The following PASK variants were observed in gnomAD, a reference collection of about 807,000 sequenced individuals.
The protein encoded by PASK is PAS domain containing serine/threonine kinase.
A neutral mutation model predicts 121.0 loss-of-function variants in PASK; 110 were observed. That is an observed-to-expected ratio of 0.91 (90% CI 0.78 to 1.06). The LOEUF (loss-of-function observed/expected upper bound fraction) is 1.06. Among genes scored for constraint, PASK ranks in the 50% least tolerant of loss-of-function variants. PASK has a pLI of 0.00. For missense variants in PASK, 1,643 were observed against 1,702.3 expected, an observed-to-expected ratio of 0.97 and a Z score of 0.61; for synonymous variants, 686 against 717.8, an observed-to-expected ratio of 0.96 and a Z score of 0.71.
rs2066617738 is a variant in PASK at position 241,139,822 on chromosome 2, C to G, written c.600+63G>C. 3 of 1,485,682 alleles carry G rather than the reference C, an allele frequency of 2.0e-6. No individual in the cohort carries two copies. The East Asian group carries it at 6.8e-5, about 34-fold the overall frequency. The allele number at this position is 1,485,682 out of a possible 1,614,324, so 92.0% of individuals were successfully genotyped here. On this transcript the variant is annotated intron_variant, in intron 4 of 17. Transcript: ENST00000234040. ...AGAGCTCCTGGTAGGGAACACTGAG[C>G]TGTTCCTGCCACACACTGCTGGTCT...
chr2:241,136,167 G>C, intron 7 of PASK, 128 bp from the exon 8 acceptor site: 3 of 827,424 alleles, frequency 3.6e-6, no homozygotes, highest in South Asian at 1.4e-5. Flanking sequence ...GGTCAGGAAA[G>C]GCCTCGGGCC....
rs996395598 is a variant in PASK at position 241,108,924 on chromosome 2, C to T, written c.3534-624G>A. Reference sequence around the variant, plus strand: ...CTTCAGGGAGAAGACACCCAAAGGACTATTGTTACTTCCTGTCGCCGTAAA... The same window carrying T: ...CTTCAGGGAGAAGACACCCAAAGGATTATTGTTACTTCCTGTCGCCGTAAA... On this transcript the variant is annotated intron_variant, in intron 15 of 17. Transcript: ENST00000234040. The surrounding 1 kb of genome is among the most constrained non-coding windows in gnomAD (Gnocchi z 5.2). The T allele has an allele frequency of 1.2e-5, 2 of 164,492 alleles. No homozygotes were observed. Among genetic ancestry groups the T allele is most frequent in the Non-Finnish European group, 2.7e-5 (2 of 74,816 alleles). 10.2% of individuals were successfully genotyped at this position (164,492 alleles called of 1,614,324 possible).
intron 17 of PASK, among the ~76,000 whole-genome samples, chr2:241,107,144 C>A (rs1253057445): frequency 6.6e-6 from 1 of 152,192 alleles, no homozygotes; most frequent in Non-Finnish European, 1.5e-5. Flanking sequence ...CAAAGCCACA[C>A]CCTGAACCCC....
chr2:241,118,434 TG>T (rs1206190281), intron 12 of PASK, among the ~76,000 whole-genome samples: 1 of 152,120 alleles, frequency 6.6e-6, no homozygotes, highest in Non-Finnish European at 1.5e-5. Flanking sequence ...AACCACTCAA[TG>T]GGGAGAGGAC....
At chr2:241,114,173 CACAGGA>C in intron 14 of PASK, 1 of 983,362 alleles carries the variant, frequency 1.0e-6, no homozygotes, top group Non-Finnish European at 1.2e-6. Context: ...CACCTTCCAA[CACAGGA>C]AGAGGGAGAG....
chr2:241,124,176 T>A (rs748227931), intron 10 of PASK, 43 bp from the exon 11 acceptor site: 1 of 1,532,028 alleles, frequency 6.5e-7, no homozygotes, highest in Non-Finnish European at 9.0e-7. Flanking sequence ...TGTGCTGACC[T>A]GGCTAGACAG....
Position 241,139,968 on chromosome 2 carries a change from T to C in PASK, c.517A>G (p.Arg173Gly). 1.2e-6 allele frequency: 2 copies of C among 1,614,030 alleles called. No homozygotes were observed. The highest frequency in any genetic ancestry group is 1.3e-5 in the African/African-American group (1 of 75,034). Residue 173 changes from arginine (R) to glycine (G), a missense_variant, in exon 4 of 18, where the codon AGG becomes GGG. Physicochemically the swap from Arg to Gly is moderately radical, Grantham distance 125. Coordinates refer to ENST00000234040, the MANE Select transcript of PASK (RefSeq NM_015148.4). ...GCCTCCACCACATCAGAATCTGACC[T>C]CAGAAAGAACTGCGTGAGCTTCTGG... ...IGQKLTQFFL[R>G]SDSDVVEALS...
At position 241,126,739 on chromosome 2, in the gene PASK, G is replaced by C. The variant is rs1575284017; in HGVS notation, c.2176C>G (p.Leu726Val). Reference protein sequence around the residue: ...YALATDLPGGLEAVEAQEVDV... With the variant: ...YALATDLPGGVEAVEAQEVDV... ...ACCTCCTGGGCCTCCACTGCTTCCA[G>C]GCCCCCAGGGAGGTCCGTGGCCAAG... The change falls in exon 10 of 18, where the codon CTG (leucine) becomes GTG (valine). Residue 726 changes from leucine to valine, a missense_variant. This residue lies in a region of PASK where 1,176 missense variants were observed against 1,162.2 expected (regional missense o/e 1.01). Transcript: ENST00000234040. 1 of 1,614,122 alleles carries C rather than the reference G, an allele frequency of 6.2e-7. No homozygotes were observed. The highest frequency in any genetic ancestry group is 8.5e-7 in the Non-Finnish European group (1 of 1,180,046).
chr2:241,140,392 A>C, intron 3 of PASK, 129 bp downstream of exon 3: 1 of 770,162 alleles, frequency 1.3e-6, no homozygotes, highest in Non-Finnish European at 2.3e-6. Context: ...TCCTGGGCTC[A>C]AGCAAACTTC....
intron 8 of PASK, among the ~76,000 whole-genome samples, chr2:241,135,118 G>T (rs2066345866): frequency 6.6e-6 from 1 of 152,242 alleles, no homozygotes; most frequent in African/African-American, 2.4e-5. Context: ...ACAGGAGGCA[G>T]TGTGCTCACC....
In PASK at chr2:241,138,099, G is replaced by GCCC; in HGVS notation, c.742-15_742-13dup. 6.2e-7 allele frequency: 1 copy of GCCC among 1,613,756 alleles called. No individual in the cohort carries two copies. Among genetic ancestry groups the GCCC allele is most frequent in the Non-Finnish European group, 8.5e-7 (1 of 1,179,802 alleles). On this transcript the variant is annotated splice_polypyrimidine_tract_variant and intron_variant, in intron 5 of 17. Transcript: ENST00000234040. ...GACGTGACGGTGCCCTGGAGGAAAA[G>GCCC]CCCCGTGCTTATCATAAAAGCTTCT...
chr2:241,113,748 G>A lies in PASK; in HGVS notation c.3333+1295C>T, dbSNP rs140951545. On this transcript the variant is annotated intron_variant, in intron 14 of 17. Transcript: ENST00000234040. ...CTTCCTGCAGATGCTTCTGTGCCCT[G>A]GACTGGCCATGCTGCCCTGGAGCGG... 2.8e-3 allele frequency: 2,763 copies of A among 985,468 alleles called. 3 individuals carry two copies. Among genetic ancestry groups the A allele is most frequent in the Middle Eastern group, 0.021 (41 of 1,912 alleles). 61.0% of individuals were successfully genotyped at this position (985,468 alleles called of 1,614,324 possible).
At chr2:241,144,901 G>C (rs192624817) in intron 1 of PASK, among the ~76,000 whole-genome samples, 2 of 152,292 alleles carry the variant, frequency 1.3e-5, no homozygotes, top group Admixed American at 1.3e-4. Context: ...CCATCACAGA[G>C]CTTCTCCCTG....
chr2:241,133,130 G>T, intron 8 of PASK, 100 bp from the exon 9 acceptor site: 1 of 1,166,824 alleles, frequency 8.6e-7, no homozygotes, highest in Non-Finnish European at 1.3e-6. Flanking sequence ...TTCACAGCAT[G>T]ACCAGCATCG....
At chr2:241,115,789 ACCCGGTCCCCAAGCAT>A (rs1394042752) in intron 12 of PASK, among the ~76,000 whole-genome samples, 2 of 101,510 alleles carry the variant, frequency 2.0e-5, no homozygotes, top group Admixed American at 2.0e-4. Context: ...CGCCAGGGCC[ACCCGGTCCCCAAGCAT>A]CCCGTTACAC....
intron 9 of PASK, 140 bp downstream of exon 9, chr2:241,132,734 G>C (rs1029024750): frequency 1.3e-6 from 1 of 745,338 alleles, no homozygotes; most frequent in Admixed American, 2.0e-5. Flanking sequence ...GTGTGTGGAA[G>C]AGAGCAGGTG....
chr2:241,107,687 G>T (rs2064946017), intron 16 of PASK, among the ~76,000 whole-genome samples, 188 bp from the exon 17 acceptor site: 1 of 152,246 alleles, frequency 6.6e-6, no homozygotes, highest in Non-Finnish European at 1.5e-5. Flanking sequence ...CCTCTGAAAT[G>T]AAAGCTTGGA....
upstream of PASK, chr2:241,150,122 C>G (rs558672061): frequency 1.6e-6 from 2 of 1,260,206 alleles, no homozygotes; most frequent in Non-Finnish European, 2.0e-6. Context: ...CCCCTCCACG[C>G]CTCCGAGGTC....
Position 241,127,240 on chromosome 2 carries a change from C to T in PASK, c.1675G>A (p.Gly559Ser), listed in dbSNP as rs574763541. 6.2e-7 allele frequency: 1 copy of T among 1,614,234 alleles called. No individual in the cohort carries two copies. The highest frequency in any genetic ancestry group is 1.1e-5 in the South Asian group (1 of 91,088). The change falls in exon 10 of 18, where the codon GGC becomes AGC. Residue 559 changes from glycine (G) to serine (S), a missense_variant. Transcript: ENST00000234040. ...AGGCCACACATGCCAGCATCACTGC[C>T]CCCATCCTCAGCTGGGACTGGAGCT... is the stretch of plus-strand genomic sequence containing the variant. ...SEAPVPAEDG[G>S]SDAGMCGLCQ...
Sources: gnomAD v4.1 joint callset for allele counts (sites outside exome capture counted in the v4.1 genomes callset) on GRCh38, gnomAD v4.1.1 for gene constraint, gnomAD v4.1.1 regional missense constraint, Gnocchi (gnomAD v3.1) non-coding constraint, MANE v1.5 for transcripts, NCBI Gene and HGNC (gene_info 2026-07-23, HGNC 2026-07-21) for gene names.